TMCO6: variants seen among roughly 807,000 people sequenced by gnomAD.
TMCO6 encodes the protein transmembrane and coiled-coil domains 6.
A neutral mutation model predicts 61.8 loss-of-function variants in TMCO6; 47 were observed. The ratio of observed to expected loss-of-function variants is 0.76; its 90% CI spans 0.60 to 0.97. The LOEUF (loss-of-function observed/expected upper bound fraction) is 0.97, where lower values mean the gene tolerates loss of function less well. TMCO6 is among the 50% of genes least tolerant of loss of function. The probability of loss-of-function intolerance (pLI) is 0.00; values close to 1 mark genes in which losing one functional copy is unlikely to be tolerated. For synonymous variants in TMCO6, 261 were observed against 254.2 expected (o/e 1.03, Z -0.25); for missense variants, 557 against 601.6 (o/e 0.93, Z 0.78).
At chr5:140,647,616 C>T, downstream of TMCO6, 1 of 1,602,896 alleles carries the variant, frequency 6.2e-7, no homozygotes, top group Non-Finnish European at 8.5e-7. Context: ...AATTCCAGGT[C>T]TTCAGGCCAA....
chr5:140,639,354 C>T (rs1756865504), upstream of TMCO6: 2 of 631,394 alleles, frequency 3.2e-6, no homozygotes, highest in Non-Finnish European at 2.8e-6. Context: ...CGCCCACCGT[C>T]CCCGCGAGGC....
Position 140,644,719 on chromosome 5 carries a change from G to A in TMCO6, c.1347G>A (p.Leu449=). 1 of 1,614,194 alleles carries A rather than the reference G, an allele frequency of 6.2e-7. No individual in the cohort carries two copies. The highest frequency in any genetic ancestry group is 8.5e-7 in the Non-Finnish European group (1 of 1,180,034). Residue 449 remains leucine, a synonymous_variant, in exon 11 of 12, where the codon CTG becomes CTA. Transcript: ENST00000394671. The part of the protein sequence containing the change: ...VVGQSLELLH[L]LFLYQPEAVQ... ...GCCAGAGTTTGGAGCTGCTGCATCT[G>A]CTGTTCCTGTATCAGCCAGAGGTAT...
chr5:140,642,249 C>T (rs932552775), intron 4 of TMCO6, 66 bp from the exon 5 acceptor site: 1 of 1,473,948 alleles, frequency 6.8e-7, no homozygotes. Context: ...CCTCCCCTCC[C>T]CATCTCCCCA....
At chr5:140,638,314 G>C (rs1230797283), upstream of TMCO6, among the ~76,000 whole-genome samples, 1 of 152,180 alleles carries the variant, frequency 6.6e-6, no homozygotes, top group Non-Finnish European at 1.5e-5. Flanking sequence ...AGGGGAAGGG[G>C]TGCCTGTAAT....
At chr5:140,647,431 G>A (rs774681546), downstream of TMCO6, 3 of 1,609,404 alleles carry the variant, frequency 1.9e-6, no homozygotes, top group Admixed American at 3.3e-5. Flanking sequence ...GGAGGTCGAG[G>A]TCGTGACCCT....
At position 140,644,893 on chromosome 5, in the gene TMCO6, C is replaced by T. The variant is rs560683998; in HGVS notation, c.1369-92C>T. ...AACTTCATCCTCTTGTTGGGGAATGCACCCTCTGGAGTAGGCTGACCCATG... is the reference window on the plus strand; with the variant it reads ...AACTTCATCCTCTTGTTGGGGAATGTACCCTCTGGAGTAGGCTGACCCATG... On this transcript the variant is annotated intron_variant, in intron 11 of 11. Transcript: ENST00000394671. 1.1e-5 allele frequency: 16 copies of T among 1,504,230 alleles called. No individual in the cohort carries two copies. The African/African-American group carries it at 1.5e-4, about 14-fold the overall frequency. The allele number at this position is 1,504,230 out of a possible 1,614,324, so 93.2% of individuals were successfully genotyped here.
intron 4 of TMCO6, 90 bp from the exon 5 acceptor site, chr5:140,642,225 C>T (rs2149793469): frequency 7.1e-7 from 1 of 1,399,928 alleles, no homozygotes; most frequent in East Asian, 2.4e-5. Flanking sequence ...ATAGCTGCTC[C>T]AGCGTCCCCA....
At chr5:140,596,693 T>G in the TMCO6 span, among the ~76,000 whole-genome samples, 2 of 152,188 alleles carry the variant, frequency 1.3e-5, no homozygotes, top group Non-Finnish European at 2.9e-5. Context: ...AAACAGGATG[T>G]CCTTCAACAC....
the TMCO6 span, chr5:140,633,011 C>A: frequency 6.2e-7 from 1 of 1,614,110 alleles, no homozygotes; most frequent in Non-Finnish European, 8.5e-7. Flanking sequence ...TAGGAGGCCC[C>A]ATCCAACCCC....
At chr5:140,636,468 C>CAA (rs762918105), upstream of TMCO6, among the ~76,000 whole-genome samples, 317 of 110,174 alleles carry the variant, frequency 2.9e-3, 2 homozygotes, top group African/African-American at 9.1e-3. Context: ...GACCCTGGCT[C>CAA]AAAAAAAAAA....
chr5:140,631,600 T>G, the TMCO6 span: 1 of 380,102 alleles, frequency 2.6e-6, no homozygotes, highest in Non-Finnish European at 4.7e-6. Flanking sequence ...GTTCTTTTCT[T>G]GAGGAGGACA....
the TMCO6 span, among the ~76,000 whole-genome samples, chr5:140,600,723 A>C: frequency 6.6e-6 from 1 of 152,150 alleles, no homozygotes; most frequent in Non-Finnish European, 1.5e-5. Context: ...TCAGCCTCTC[A>C]AAAGTGCTGG....
chr5:140,625,863 C>T, the TMCO6 span, among the ~76,000 whole-genome samples: 1 of 152,164 alleles, frequency 6.6e-6, no homozygotes, highest in Non-Finnish European at 1.5e-5. Flanking sequence ...TGTTGGTTTA[C>T]AAGGTGGAGA....
chr5:140,599,252 C>T, the TMCO6 span, among the ~76,000 whole-genome samples: 1 of 152,328 alleles, frequency 6.6e-6, no homozygotes, highest in East Asian at 1.9e-4. Flanking sequence ...CTGGGAAATT[C>T]ACTCACTGGT....
At chr5:140,632,213 G>A in the TMCO6 span, 1 of 1,613,580 alleles carries the variant, frequency 6.2e-7, no homozygotes, top group East Asian at 2.2e-5. This position sits in a 1 kb window ranked among gnomAD's most constrained non-coding sequence, Gnocchi z 6.2. Context: ...GCGAGTTGTG[G>A]CTGAGGTCTA....
chr5:140,643,217 C>A, intron 7 of TMCO6, 176 bp downstream of exon 7: 1 of 862,290 alleles, frequency 1.2e-6, no homozygotes, highest in Non-Finnish European at 1.7e-6. Flanking sequence ...TTTTTTGAGA[C>A]AGTCTCACTC....
chr5:140,596,644 T>C, the TMCO6 span, among the ~76,000 whole-genome samples: 3 of 152,348 alleles, frequency 2.0e-5, no homozygotes, highest in East Asian at 5.8e-4. Context: ...AAGGAGCGAC[T>C]GGCTGGAACA....
At chr5:140,638,305 G>T (rs543821229), upstream of TMCO6, among the ~76,000 whole-genome samples, 6 of 152,190 alleles carry the variant, frequency 3.9e-5, no homozygotes, top group Non-Finnish European at 8.8e-5. Context: ...GGAGAGGAAA[G>T]GGGAAGGGGT....
At chr5:140,611,226 T>C in the TMCO6 span, among the ~76,000 whole-genome samples, 2 of 152,178 alleles carry the variant, frequency 1.3e-5, no homozygotes, top group African/African-American at 4.8e-5. Context: ...TCTCTTTGTC[T>C]TGCTTATCTG....
Sources: allele counts gnomAD v4.1 joint callset (sites outside exome capture counted in the v4.1 genomes callset), GRCh38; gene constraint gnomAD v4.1.1; non-coding constraint Gnocchi (gnomAD v3.1); transcripts MANE v1.5; gene names NCBI Gene and HGNC (gene_info 2026-07-23, HGNC 2026-07-21).